The following KRT8 variants were observed in gnomAD, a reference collection of about 807,000 sequenced individuals.
KRT8 encodes the protein keratin 8.
A neutral mutation model predicts 43.0 loss-of-function variants in KRT8; 24 were observed. The observed-to-expected ratio is 0.56, with a 90% CI of 0.40 to 0.78. The LOEUF (loss-of-function observed/expected upper bound fraction) is 0.78. Among genes scored for constraint, KRT8 ranks in the 30% least tolerant of loss-of-function variants. The pLI is 0.00. For missense variants in KRT8, 492 were observed against 638.4 expected, an observed-to-expected ratio of 0.77 and a Z score of 2.47; for synonymous variants, 214 against 261.2, an observed-to-expected ratio of 0.82 and a Z score of 1.74.
At chr12:52,935,355 G>T (rs763679697) in intron 2 of KRT8, among the ~76,000 whole-genome samples, 1 of 125,156 alleles carries the variant, frequency 8.0e-6, no homozygotes, top group Non-Finnish European at 1.6e-5. Context: ...CTCCAGCCTG[G>T]GTGACAGAGC....
chr12:52,925,111 C>A (rs1435244455), intron 2 of KRT8, among the ~76,000 whole-genome samples: 1 of 152,270 alleles, frequency 6.6e-6, no homozygotes, highest in East Asian at 1.9e-4. Context: ...GAGGGGATAC[C>A]TTCAGGGGAG....
rs1228256671 is a variant in KRT8, at chr12:52,942,903, G to A, written c.-47+6553C>T. Among the ~76,000 whole-genome samples the A allele has an allele frequency of 2.6e-5, 4 of 151,938 alleles. No homozygotes were observed. The South Asian group carries it at 6.2e-4, about 24-fold the overall frequency. On this transcript the variant is annotated intron_variant, in intron 2 of 6. Transcript: ENST00000546826. ...GCCTCTGCCACACGCTTCTGATTGG[G>A]GAGGAAGGAGCCTAGAGAGGTTACA...
chr12:52,932,379 G>A (rs530682917), intron 2 of KRT8, among the ~76,000 whole-genome samples: 100 of 152,146 alleles, frequency 6.6e-4, no homozygotes, highest in African/African-American at 2.2e-3. Flanking sequence ...GAGCCACCGC[G>A]CCTGGCAAAT....
Position 52,926,339 on chromosome 12 carries a change from C to A in KRT8, c.-46-21312G>T. ...CCCCACCTGGCACTAGCTGCCCTCC[C>A]CACCCCACCCCCAGGACTGTGCCCT... On this transcript the variant is annotated intron_variant, in intron 2 of 6. Coordinates refer to the KRT8 transcript ENST00000546826. The A allele has an allele frequency of 7.7e-6, 6 of 780,988 alleles. No homozygotes were observed. In the South Asian group the frequency reaches 7.8e-5, roughly 10 times the overall value. 48.4% of individuals were successfully genotyped at this position (780,988 alleles called of 1,614,324 possible).
intron 2 of KRT8, among the ~76,000 whole-genome samples, chr12:52,931,811 C>T (rs1436050099): frequency 5.9e-5 from 9 of 151,334 alleles, no homozygotes; most frequent in East Asian, 2.0e-4. Context: ...TACAGGTGCC[C>T]GCCACCATGT....
chr12:52,922,042 A>C (rs1265325231), intron 2 of KRT8, among the ~76,000 whole-genome samples: 1 of 151,876 alleles, frequency 6.6e-6, no homozygotes, highest in Admixed American at 6.6e-5. Flanking sequence ...TTATCCAGGC[A>C]GAGTGGTGCA....
rs1487807832 is a variant in KRT8, at chr12:52,921,090, T to A, written c.-46-16063A>T. Among the ~76,000 whole-genome samples the A allele has an allele frequency of 7.2e-5, 11 of 152,198 alleles. No homozygotes were observed. In the East Asian group the frequency reaches 2.1e-3, roughly 29 times the overall value. ...AATCTGTTGACCTGGATGGTGGGAA[T>A]GGGCTAAGCCCAGGCCAGCCCAGGC... is the stretch of plus-strand genomic sequence containing the variant. On this transcript the variant is annotated intron_variant, in intron 2 of 6. Coordinates refer to the KRT8 transcript ENST00000546826.
intron 2 of KRT8, among the ~76,000 whole-genome samples, chr12:52,925,983 C>T (rs1941981919): frequency 6.6e-6 from 1 of 152,068 alleles, no homozygotes; most frequent in Admixed American, 6.5e-5. Flanking sequence ...TGAGAAATTC[C>T]CCACCTCCCT....
intron 2 of KRT8, among the ~76,000 whole-genome samples, chr12:52,943,893 C>G (rs1207640306): frequency 6.6e-6 from 1 of 152,222 alleles, no homozygotes; most frequent in Non-Finnish European, 1.5e-5. Context: ...GAGATAGGTT[C>G]TTGGCCACTC....
chr12:52,934,444 CA>C, intron 2 of KRT8, among the ~76,000 whole-genome samples: 1 of 152,148 alleles, frequency 6.6e-6, no homozygotes, highest in South Asian at 2.1e-4. Flanking sequence ...CCTGTAGTCC[CA>C]GCTACTCGGA....
Position 52,939,707 on chromosome 12 carries a change from C to T in KRT8, c.-47+9749G>A, listed in dbSNP as rs887403079. ...ATAGAACTCCAGCCTGAGTGACAGA[C>T]GGGGAGACTCCCTCTCAAAAAAAAA... is the stretch of plus-strand genomic sequence containing the variant. On this transcript the variant is annotated intron_variant, in intron 2 of 6. Coordinates refer to the KRT8 transcript ENST00000546826. 1.1e-4 allele frequency among the ~76,000 whole-genome samples: 16 copies of T among 150,542 alleles called. No individual in the cohort carries two copies. In the East Asian group the frequency reaches 2.9e-3, roughly 28 times the overall value.
intron 7 of KRT8, 88 bp downstream of exon 7, chr12:52,898,373 T>C: frequency 6.2e-6 from 7 of 1,130,846 alleles, no homozygotes; most frequent in Non-Finnish European, 9.2e-6. Flanking sequence ...GAGGTCACTG[T>C]GAGCGACTGA....
chr12:52,904,507 A>T (rs1941461896), intron 1 of KRT8, 151 bp downstream of exon 1: 2 of 723,944 alleles, frequency 2.8e-6, no homozygotes, highest in Non-Finnish European at 4.8e-6. Flanking sequence ...GGTGCACGGG[A>T]GGGGTGAGTC....
chr12:52,947,759 T>C (rs1274010756), intron 2 of KRT8: 1 of 136,898 alleles, frequency 7.3e-6, no homozygotes. Flanking sequence ...TAGGCTGGAG[T>C]GCAGTGGCAT....
intron 2 of KRT8, among the ~76,000 whole-genome samples, chr12:52,931,851 T>C (rs1383140172): frequency 6.6e-6 from 1 of 151,740 alleles, no homozygotes; most frequent in Non-Finnish European, 1.5e-5. Context: ...TTAGTAAAGA[T>C]GGGGTTTCAC....
At chr12:52,938,251 C>G (rs1462119556) in intron 2 of KRT8, among the ~76,000 whole-genome samples, 1 of 145,498 alleles carries the variant, frequency 6.9e-6, no homozygotes, top group African/African-American at 2.5e-5. Context: ...TCACTGCAAC[C>G]TCTGCCTCCT....
chr12:52,929,373 T>C (rs565420703), intron 2 of KRT8, among the ~76,000 whole-genome samples: 24 of 152,194 alleles, frequency 1.6e-4, no homozygotes, highest in African/African-American at 5.3e-4. Flanking sequence ...TTTGTATTTT[T>C]AGTAGAGACA....
chr12:52,930,139 C>T (rs1942060179), intron 2 of KRT8, among the ~76,000 whole-genome samples: 3 of 152,178 alleles, frequency 2.0e-5, no homozygotes, highest in African/African-American at 7.2e-5. Context: ...CATAGATGTT[C>T]AGTGTTATTA....
upstream of KRT8, among the ~76,000 whole-genome samples, chr12:52,908,828 G>A (rs1941575397): frequency 6.6e-6 from 1 of 151,992 alleles, no homozygotes; most frequent in Admixed American, 6.6e-5. Context: ...AACATAATGA[G>A]ACCCCCGTCT....
Sources: allele counts gnomAD v4.1 joint callset (sites outside exome capture counted in the v4.1 genomes callset), GRCh38; gene constraint gnomAD v4.1.1; transcripts MANE v1.5; gene names NCBI Gene and HGNC (gene_info 2026-07-23, HGNC 2026-07-21).